COLGALT1: variants seen among roughly 807,000 people sequenced by gnomAD.
COLGALT1 encodes the protein collagen beta(1-O)galactosyltransferase 1.
Under a neutral mutation model 60.8 loss-of-function variants are expected in COLGALT1, and 43 were observed. The ratio of observed to expected loss-of-function variants is 0.71; its 90% CI spans 0.55 to 0.91. The LOEUF (loss-of-function observed/expected upper bound fraction) is 0.91, where lower values mean the gene tolerates loss of function less well. COLGALT1 is among the 40% of genes least tolerant of loss of function. The pLI is 0.00. For synonymous variants in COLGALT1, 369 were observed against 374.2 expected (o/e 0.99, Z 0.16); for missense variants, 845 against 880.0 (o/e 0.96, Z 0.50).
rs138083761 is a variant in COLGALT1, at chr19:17,563,230, G to A, written c.489+2765G>A. On this transcript the variant is annotated intron_variant, in intron 3 of 11. Transcript: ENST00000252599. ...TTTTGAGACAGTGTCTCACTCTGTC[G>A]CCCAGGCTGGAGTGCAGTGGCGCGA... 2.8e-3 allele frequency among the ~76,000 whole-genome samples: 364 copies of A among 129,094 alleles called. 5 individuals are homozygous for A. Among genetic ancestry groups the A allele is most frequent in the African/African-American group, 0.011 (353 of 32,974 alleles). The allele number at this position is 129,094 out of a possible 152,430, so 84.7% of individuals were successfully genotyped here.
chr19:17,577,493 G>T, intron 8 of COLGALT1, 26 bp downstream of exon 8: 4 of 338,578 alleles, frequency 1.2e-5, no homozygotes, highest in South Asian at 4.4e-5. Context: ...GGGGGTGGGG[G>T]GGCGGGTCCG....
chr19:17,577,415 G>A lies in COLGALT1; in HGVS notation c.1081G>A (p.Ala361Thr), dbSNP rs999300811. The stretch of plus-strand genomic sequence containing the variant: ...GGACCGGCGGGAGCGCATGCTGCGG[G>A]CGCTGCAGGCACAGGAGATCGAGTG... The part of the protein sequence containing the change: ...RQDRRERMLR[A>T]LQAQEIECRL... Residue 361 changes from alanine (A) to threonine (T), a missense_variant, in exon 8 of 12, where the codon GCG becomes ACG. Coordinates refer to ENST00000252599, the MANE Select transcript of COLGALT1 (RefSeq NM_024656.4). 2.6e-6 allele frequency: 4 copies of A among 1,561,712 alleles called. No homozygotes were observed. Among genetic ancestry groups the A allele is most frequent in the Non-Finnish European group, 3.4e-6 (4 of 1,159,920 alleles).
At position 17,577,921 on chromosome 19, in the gene COLGALT1, G is replaced by A. The variant is rs1599794721; in HGVS notation, c.1134-36G>A. 8 of 1,580,606 alleles carry A rather than the reference G, an allele frequency of 5.1e-6. No homozygotes were observed. In the East Asian group the frequency reaches 1.8e-4, roughly 36 times the overall value. ...GGGATGGCAGAATGGCAGGCAGGGT[G>A]AACCTTCTTCGTGACCCTCTCCTCC... On this transcript the variant is annotated intron_variant, in intron 8 of 11. Transcript: ENST00000252599.
chr19:17,565,562 C>T (rs943898566), intron 3 of COLGALT1, among the ~76,000 whole-genome samples: 4 of 151,702 alleles, frequency 2.6e-5, no homozygotes, highest in Non-Finnish European at 5.9e-5. Flanking sequence ...CCCAGCTACT[C>T]AGGAGGCTGA....
chr19:17,566,320 G>A (rs7249207), intron 3 of COLGALT1: 36,197 of 151,838 alleles, frequency 0.24, 5,121 homozygotes, highest in Non-Finnish European at 0.31. Context: ...CCGAGATCAC[G>A]CCGCTGCACT....
intron 8 of COLGALT1, 75 bp from the exon 9 acceptor site, chr19:17,577,881 GT>G: frequency 1.1e-5 from 17 of 1,544,460 alleles, no homozygotes; most frequent in Admixed American, 1.8e-5. Flanking sequence ...GCCGCAGGGG[GT>G]GGTGGAATGG....
At chr19:17,565,510 G>A (rs566238392) in intron 3 of COLGALT1, among the ~76,000 whole-genome samples, 2 of 151,948 alleles carry the variant, frequency 1.3e-5, no homozygotes, top group South Asian at 4.2e-4. Flanking sequence ...ACAAAGACCT[G>A]TTTGAATTAT....
rs2076208316 is a variant in COLGALT1 at position 17,555,965 on chromosome 19, G to C, written c.252G>C (p.Thr84=). ...LERLRHPRER[T]ALWVATDHNM... Reference sequence around the variant, plus strand: ...GGCTGCGGCACCCGCGGGAGCGCACGGCGCTATGGTGAGTCGAGCCCGCTG... The same window carrying C: ...GGCTGCGGCACCCGCGGGAGCGCACCGCGCTATGGTGAGTCGAGCCCGCTG... The change falls in exon 1 of 12, where the codon ACG becomes ACC. Residue 84 remains threonine, a synonymous_variant. Transcript: ENST00000252599. 14 of 1,364,638 alleles carry C rather than the reference G, an allele frequency of 1.0e-5. 1 individual carries two copies. In the South Asian group the frequency reaches 2.1e-4, roughly 20 times the overall value. The allele number at this position is 1,364,638 out of a possible 1,614,324, so 84.5% of individuals were successfully genotyped here. A position where few individuals can be genotyped will look rare whatever the true frequency, so the allele number is the denominator to read the frequency against.
chr19:17,574,519 G>A (rs1218083745), intron 6 of COLGALT1, among the ~76,000 whole-genome samples: 1 of 151,914 alleles, frequency 6.6e-6, no homozygotes, highest in Non-Finnish European at 1.5e-5. Flanking sequence ...TAGTAGAGAC[G>A]GGGTTTCACC....
At chr19:17,575,796 A>G (rs984616154) in intron 6 of COLGALT1, among the ~76,000 whole-genome samples, 1 of 152,096 alleles carries the variant, frequency 6.6e-6, no homozygotes, top group Non-Finnish European at 1.5e-5. Context: ...CAGCCTCCCA[A>G]GGAGCTACAG....
intron 3 of COLGALT1, among the ~76,000 whole-genome samples, chr19:17,566,449 G>T (rs759866979): frequency 6.6e-6 from 1 of 151,960 alleles, no homozygotes; most frequent in African/African-American, 2.4e-5. Context: ...GAGGGGGAAC[G>T]TCCGGACCTA....
Position 17,555,952 on chromosome 19 carries a change from C to A in COLGALT1, c.239C>A (p.Pro80Gln). 1 of 1,381,704 alleles carries A rather than the reference C, an allele frequency of 7.2e-7. No homozygotes were observed. The highest frequency in any genetic ancestry group is 1.5e-5 in the South Asian group (1 of 65,232). 85.6% of individuals were successfully genotyped at this position (1,381,704 alleles called of 1,614,324 possible). A position where few individuals can be genotyped will look rare whatever the true frequency, so the allele number is the denominator to read the frequency against. Reference sequence around the variant, plus strand: ...GGCGCACTCGAGCGGCTGCGGCACCCGCGGGAGCGCACGGCGCTATGGTGA... The same window carrying A: ...GGCGCACTCGAGCGGCTGCGGCACCAGCGGGAGCGCACGGCGCTATGGTGA... Reference protein sequence around the residue: ...TLGALERLRHPRERTALWVAT... With the variant: ...TLGALERLRHQRERTALWVAT... Residue 80 changes from proline (P) to glutamine (Q), a missense_variant, in exon 1 of 12, where the codon CCG becomes CAG. By Grantham distance (76) the Pro-to-Gln change is moderately conservative. Coordinates refer to ENST00000252599, the MANE Select transcript of COLGALT1 (RefSeq NM_024656.4).
chr19:17,564,061 C>CT (rs1472143012), intron 3 of COLGALT1, among the ~76,000 whole-genome samples: 1 of 16,818 alleles, frequency 5.9e-5, no homozygotes, highest in Admixed American at 8.8e-4. Flanking sequence ...CATAGTGAGA[C>CT]CCCCCCCATC....
At chr19:17,571,511 C>T (rs1290643576) in intron 5 of COLGALT1, among the ~76,000 whole-genome samples, 2 of 150,142 alleles carry the variant, frequency 1.3e-5, no homozygotes, top group African/African-American at 4.9e-5. Context: ...GTCAGGATTT[C>T]GAGACCAGCC....
Position 17,583,126 on chromosome 19 carries a change from G to GT in COLGALT1, c.*1688dup, listed in dbSNP as rs1462280857. On this transcript the variant is annotated 3_prime_UTR_variant, in exon 12 of 12. Transcript: ENST00000252599. The stretch of plus-strand genomic sequence containing the variant: ...CACCCTCTTGGGGATAACTTGCTTA[G>GT]TTTTTTAATAAATGTTCCTGGTTGG... 1.3e-5 allele frequency: 2 copies of GT among 152,244 alleles called. No homozygotes were observed. The highest frequency in any genetic ancestry group is 2.9e-5 in the Non-Finnish European group (2 of 68,042). The allele number at this position is 152,244 out of a possible 1,614,324, so 9.4% of individuals were successfully genotyped here.
chr19:17,579,667 G>A (rs2076367066), intron 10 of COLGALT1, 58 bp downstream of exon 10: 1 of 1,509,310 alleles, frequency 6.6e-7, no homozygotes, highest in African/African-American at 1.4e-5. Flanking sequence ...CCAGGACTTA[G>A]AGGTGGGGGT....
intron 3 of COLGALT1, 39 bp downstream of exon 3, chr19:17,560,504 G>A (rs759432792): frequency 2.6e-6 from 4 of 1,541,850 alleles, no homozygotes; most frequent in Non-Finnish European, 2.7e-6. Context: ...TCACAGGCAG[G>A]TCTGGGTATC....
rs144494697 is a variant in COLGALT1 at position 17,564,979 on chromosome 19, C to T, written c.490-2427C>T. 1.2e-3 allele frequency among the ~76,000 whole-genome samples: 184 copies of T among 152,178 alleles called. 1 individual carries two copies. Among genetic ancestry groups the T allele is most frequent in the African/African-American group, 4.2e-3 (174 of 41,528 alleles). On this transcript the variant is annotated intron_variant, in intron 3 of 11. Coordinates refer to ENST00000252599, the MANE Select transcript of COLGALT1 (RefSeq NM_024656.4). ...GTCAATGGAATGTCACACTATATGG[C>T]GTTTCGTGTCTGGTTTCTCTCACTC...
intron 5 of COLGALT1, among the ~76,000 whole-genome samples, chr19:17,568,968 C>T (rs928180411): frequency 4.6e-5 from 7 of 152,152 alleles, no homozygotes; most frequent in South Asian, 4.1e-4. Context: ...GTGGCTTATG[C>T]CTGTAATCCC....
Sources: allele counts gnomAD v4.1 joint callset (sites outside exome capture counted in the v4.1 genomes callset), GRCh38; gene constraint gnomAD v4.1.1; transcripts MANE v1.5; gene names NCBI Gene and HGNC (gene_info 2026-07-23, HGNC 2026-07-21).